Variants in CLVS1 observed in about 807,000 individuals in gnomAD.
CLVS1 encodes clavesin-1.
Under a neutral mutation model 33.1 loss-of-function variants are expected in CLVS1, and 10 were observed. That is an observed-to-expected ratio of 0.30 (90% CI 0.19 to 0.51). The LOEUF (loss-of-function observed/expected upper bound fraction) is 0.51, where lower values mean the gene tolerates loss of function less well. CLVS1 is among the 20% of genes least tolerant of loss of function. CLVS1 has a pLI of 0.97. For missense variants in CLVS1, 343 were observed against 433.4 expected (o/e 0.79, Z 1.85); for synonymous variants, 163 against 166.1 (o/e 0.98, Z 0.14).
intron 2 of CLVS1, among the ~76,000 whole-genome samples, chr8:61,365,762 TGTGTGTGTGTGTGC>T (rs1813182671): frequency 1.4e-5 from 2 of 145,946 alleles, no homozygotes; most frequent in African/African-American, 5.5e-5. Flanking sequence ...AGGGTGTGTG[TGTGTGTGTGTGTGC>T]GTGTGTGTGT....
intron 3 of CLVS1, among the ~76,000 whole-genome samples, chr8:61,434,883 T>C (rs148009127): frequency 2.0e-5 from 3 of 152,324 alleles, no homozygotes; most frequent in African/African-American, 7.2e-5. Context: ...AAGGGGATTC[T>C]CTATAGAATG....
At chr8:61,121,251 C>A (rs1029026178) in intron 1 of CLVS1, among the ~76,000 whole-genome samples, 6 of 152,140 alleles carry the variant, frequency 3.9e-5, no homozygotes, top group African/African-American at 7.2e-5. Flanking sequence ...GTGCGCGCAC[C>A]CACTGACCTG....
At chr8:61,420,768 A>G (rs1206205850) in intron 3 of CLVS1, among the ~76,000 whole-genome samples, 1 of 152,136 alleles carries the variant, frequency 6.6e-6, no homozygotes, top group Non-Finnish European at 1.5e-5. Flanking sequence ...CAGGAGTTTG[A>G]GACCAGCCTG....
chr8:61,261,477 C>T (rs1809202084), intron 2 of CLVS1, among the ~76,000 whole-genome samples: 2 of 152,154 alleles, frequency 1.3e-5, no homozygotes, highest in African/African-American at 2.4e-5. Flanking sequence ...GACACAAAGT[C>T]CTGGAGACTG....
intron 2 of CLVS1, among the ~76,000 whole-genome samples, chr8:61,364,804 C>T (rs551022062): frequency 2.8e-4 from 42 of 152,240 alleles, no homozygotes; most frequent in South Asian, 6.2e-4. Flanking sequence ...TTATTAAATA[C>T]GGAGGTTTGG....
At chr8:61,174,743 C>A (rs1357218172) in intron 2 of CLVS1, among the ~76,000 whole-genome samples, 1 of 152,122 alleles carries the variant, frequency 6.6e-6, no homozygotes, top group Non-Finnish European at 1.5e-5. Flanking sequence ...TTGTACCTGG[C>A]TTCAAGAACT....
At chr8:61,029,776 T>A in the CLVS1 span, among the ~76,000 whole-genome samples, 29 of 152,230 alleles carry the variant, frequency 1.9e-4, no homozygotes, top group Non-Finnish European at 3.2e-4. Flanking sequence ...TTGTGTTAAG[T>A]CACAGAAACA....
intron 2 of CLVS1, among the ~76,000 whole-genome samples, chr8:61,237,788 C>T (rs564304139): frequency 6.6e-6 from 1 of 150,816 alleles, no homozygotes; most frequent in East Asian, 2.3e-4. Flanking sequence ...GATGGTCAGA[C>T]CAAGAAAGGT....
chr8:61,249,254 C>A (rs4320539), intron 2 of CLVS1, among the ~76,000 whole-genome samples: 21,985 of 152,144 alleles, frequency 0.14, 3,347 homozygotes, highest in East Asian at 0.68. Flanking sequence ...ATGAACCCAT[C>A]CTTTATTATG....
At chr8:61,416,983 G>A (rs747294486) in intron 3 of CLVS1, among the ~76,000 whole-genome samples, 16 of 152,218 alleles carry the variant, frequency 1.1e-4, no homozygotes, top group Non-Finnish European at 2.2e-4. Flanking sequence ...CCCAGTGGAA[G>A]CCACTTCTCA....
At chr8:61,274,989 G>A (rs935442467) in intron 2 of CLVS1, among the ~76,000 whole-genome samples, 24 of 151,958 alleles carry the variant, frequency 1.6e-4, no homozygotes, top group African/African-American at 4.1e-4. Context: ...GTTTTTAAAG[G>A]TGCCCAATTT....
chr8:61,356,194 T>G (rs1174377922), intron 2 of CLVS1, among the ~76,000 whole-genome samples: 1 of 152,108 alleles, frequency 6.6e-6, no homozygotes, highest in Admixed American at 6.6e-5. Context: ...ATGTGTTTTT[T>G]GGCTGCATAA....
chr8:61,205,766 A>G (rs1430472046), intron 2 of CLVS1, among the ~76,000 whole-genome samples: 1 of 152,124 alleles, frequency 6.6e-6, no homozygotes. Flanking sequence ...CCTCATCAAC[A>G]CATGTAATTA....
At chr8:61,121,060 G>C (rs1805854683) in intron 1 of CLVS1, among the ~76,000 whole-genome samples, 1 of 151,984 alleles carries the variant, frequency 6.6e-6, no homozygotes, top group Non-Finnish European at 1.5e-5. Flanking sequence ...GCCAGGTGCG[G>C]GGTATAATCT....
At chr8:61,322,382 T>C (rs535361841) in intron 2 of CLVS1, among the ~76,000 whole-genome samples, 16 of 152,260 alleles carry the variant, frequency 1.1e-4, no homozygotes, top group African/African-American at 3.6e-4. Context: ...TGACTATAAA[T>C]TGGTGTCATC....
In CLVS1 at chr8:61,206,204, T is replaced by C. The variant is rs1476818543; in HGVS notation, c.-152+74344T>C. 2.6e-5 allele frequency among the ~76,000 whole-genome samples: 4 copies of C among 152,338 alleles called. No individual in the cohort carries two copies. The East Asian group carries it at 7.7e-4, about 29-fold the overall frequency. ...TAAATATCTTTGCTCAGATGTTGTC[T>C]TTCTTAAAACTGGTTATCTTTGTTA... On this transcript the variant is annotated intron_variant, in intron 2 of 2. Coordinates refer to the CLVS1 transcript ENST00000522621.
rs138325110 is a variant in CLVS1 at position 61,064,030 on chromosome 8, C to T, written c.-243+6800C>T. ...AACTTAACATAATGTCTTCAGGTTT[C>T]ACCATGTTGTAGCATGTGTCAGAAT... On this transcript the variant is annotated intron_variant, in intron 1 of 2. Transcript: ENST00000522621. Among the ~76,000 whole-genome samples the T allele has an allele frequency of 9.9e-3, 1,504 of 152,286 alleles. 25 individuals carry two copies. The highest frequency in any genetic ancestry group is 0.034 in the African/African-American group (1,431 of 41,558).
chr8:61,496,184 C>T (rs34397851), intron 5 of CLVS1, among the ~76,000 whole-genome samples: 1,971 of 152,320 alleles, frequency 0.013, 23 homozygotes, highest in Middle Eastern at 0.034. Context: ...CTGTTTCCCT[C>T]TAACTCTGTG....
chr8:61,453,046 C>T (rs1006982022), intron 3 of CLVS1, among the ~76,000 whole-genome samples: 13 of 152,006 alleles, frequency 8.6e-5, no homozygotes, highest in African/African-American at 2.4e-4. Flanking sequence ...CCATTTCCTC[C>T]GCCAGCCAGA....
Sources: allele counts gnomAD v4.1 joint callset (sites outside exome capture counted in the v4.1 genomes callset), GRCh38; gene constraint gnomAD v4.1.1; transcripts MANE v1.5; gene names NCBI Gene and HGNC (gene_info 2026-07-23, HGNC 2026-07-21).